The following MNS1 variants were observed in gnomAD, a reference collection of about 807,000 sequenced individuals.
MNS1 encodes meiosis-specific nuclear structural protein 1.
Under a neutral mutation model 72.0 loss-of-function variants are expected in MNS1, and 63 were observed. The ratio of observed to expected loss-of-function variants is 0.87; its 90% CI spans 0.71 to 1.08. MNS1 has a LOEUF of 1.08. MNS1 is among the 50% of genes least tolerant of loss of function. MNS1 has a pLI of 0.00. For synonymous variants in MNS1, 188 were observed against 172.1 expected (o/e 1.09, Z -0.72); for missense variants, 604 against 562.4 (o/e 1.07, Z -0.75).
At chr15:56,430,294 CT>C (rs1377575130) in intron 9 of MNS1, among the ~76,000 whole-genome samples, 5 of 152,196 alleles carry the variant, frequency 3.3e-5, no homozygotes, top group African/African-American at 1.2e-4. Context: ...GCAGCTTCAA[CT>C]TTCCAGGCTC....
intron 2 of MNS1, among the ~76,000 whole-genome samples, chr15:56,458,058 A>G (rs1480258153): frequency 6.6e-6 from 1 of 152,236 alleles, no homozygotes; most frequent in Admixed American, 6.5e-5. Flanking sequence ...AAAGAATGCA[A>G]GCAAAACTTG....
In MNS1 at chr15:56,465,027, G is replaced by T; in HGVS notation, c.-55C>A. On this transcript the variant is annotated 5_prime_UTR_variant, in exon 1 of 10. Coordinates refer to ENST00000260453, the MANE Select transcript of MNS1 (RefSeq NM_018365.4). The stretch of plus-strand genomic sequence containing the variant: ...GGGACCGCGGCCACCACCTCCCGCC[G>T]CAAACGCAGCAGCCAGCAGCCCCAA... The T allele has an allele frequency of 6.3e-7, 1 of 1,593,474 alleles. No individual in the cohort carries two copies. The highest frequency in any genetic ancestry group is 8.5e-7 in the Non-Finnish European group (1 of 1,171,552).
intron 3 of MNS1, among the ~76,000 whole-genome samples, chr15:56,452,025 A>T (rs1170397469): frequency 6.6e-6 from 1 of 152,176 alleles, no homozygotes; most frequent in Non-Finnish European, 1.5e-5. Flanking sequence ...TATGTTTACT[A>T]TAACTACTAA....
At position 56,443,507 on chromosome 15, in the gene MNS1, G is replaced by T. The variant is rs373460385; in HGVS notation, c.934C>A (p.Gln312Lys). The change falls in exon 7 of 10, where the codon CAA becomes AAA. Residue 312 changes from glutamine to lysine, a missense_variant. Transcript: ENST00000260453. Reference sequence around the variant, plus strand: ...CGCACTTGTTCCAAATCTTCACGTTGCCGCAGCATTTCTTCTAATTTCTGT... The same window carrying T: ...CGCACTTGTTCCAAATCTTCACGTTTCCGCAGCATTTCTTCTAATTTCTGT... The part of the protein sequence containing the change: ...LTQKLEEMLR[Q>K]REDLEQVRQE... 90 of 1,599,314 alleles carry T rather than the reference G, an allele frequency of 5.6e-5. No homozygotes were observed. Among genetic ancestry groups the T allele is most frequent in the Non-Finnish European group, 7.1e-5 (83 of 1,175,840 alleles).
chr15:56,463,971 A>G, intron 2 of MNS1, 55 bp downstream of exon 2: 2 of 1,407,940 alleles, frequency 1.4e-6, no homozygotes, highest in Non-Finnish European at 1.9e-6. Context: ...GCTGACTTTC[A>G]TCGTTTCCAA....
chr15:56,443,287 TTCTG>T (rs1567150883), intron 7 of MNS1, 139 bp downstream of exon 7: 5 of 524,256 alleles, frequency 9.5e-6, no homozygotes, highest in Admixed American at 7.9e-5. Context: ...GCTTGAAAAT[TTCTG>T]TCTTTTAACT....
intron 7 of MNS1, among the ~76,000 whole-genome samples, chr15:56,438,216 T>C (rs1295459217): frequency 1.3e-5 from 2 of 152,108 alleles, no homozygotes; most frequent in Non-Finnish European, 2.9e-5. Context: ...ATTCAAACTA[T>C]ACTACAAGGC....
intron 7 of MNS1, among the ~76,000 whole-genome samples, chr15:56,437,643 G>A (rs1391297065): frequency 6.6e-6 from 1 of 152,116 alleles, no homozygotes; most frequent in Non-Finnish European, 1.5e-5. Flanking sequence ...AAGAAAGAAA[G>A]GGTATTCAAT....
intron 3 of MNS1, among the ~76,000 whole-genome samples, chr15:56,447,982 C>T (rs2050920299): frequency 6.6e-6 from 1 of 152,138 alleles, no homozygotes; most frequent in South Asian, 2.1e-4. Flanking sequence ...ATTGCTTACT[C>T]CTTTTTATTG....
At chr15:56,434,069 T>A in intron 8 of MNS1, 69 bp downstream of exon 8, 2 of 1,475,626 alleles carry the variant, frequency 1.4e-6, no homozygotes, top group South Asian at 2.6e-5. Context: ...AGTAAATGTT[T>A]AGTGGATGAT....
intron 2 of MNS1, among the ~76,000 whole-genome samples, chr15:56,459,748 T>C (rs76084376): frequency 0.044 from 6,729 of 151,484 alleles, 223 homozygotes; most frequent in Admixed American, 0.088. Context: ...GGGAGCACTT[T>C]GGGAGGCCGA....
intron 4 of MNS1, chr15:56,445,569 T>C (rs2050893180): frequency 6.6e-6 from 1 of 152,038 alleles, no homozygotes; most frequent in African/African-American, 2.4e-5. Context: ...ATTATCTTCT[T>C]TGTACATGCT....
Position 56,444,474 on chromosome 15 carries a change from A to G in MNS1, c.656T>C (p.Ile219Thr). 1.2e-6 allele frequency: 2 copies of G among 1,607,658 alleles called. No homozygotes were observed. Among genetic ancestry groups the G allele is most frequent in the Non-Finnish European group, 8.5e-7 (1 of 1,178,470 alleles). Residue 219 changes from isoleucine (I) to threonine (T), a missense_variant, in exon 5 of 10, where the codon ATT becomes ACT. Coordinates refer to ENST00000260453, the MANE Select transcript of MNS1 (RefSeq NM_018365.4). The part of the protein sequence containing the change: ...LLKEKLMIDE[I>T]VRKIYEEDQL... ...ATCTTCTTCATAGATCTTCCTAACA[A>G]TTTCATCAATCATGAGTTTCTCTTT...
chr15:56,448,838 C>T (rs1309492270), intron 3 of MNS1, among the ~76,000 whole-genome samples: 2 of 150,170 alleles, frequency 1.3e-5, no homozygotes, highest in African/African-American at 2.5e-5. Flanking sequence ...ACTGCAAGCT[C>T]CGCCACCCAG....
At chr15:56,463,706 C>T (rs1381224655) in intron 2 of MNS1, 5 of 220,200 alleles carry the variant, frequency 2.3e-5, no homozygotes, top group Non-Finnish European at 4.4e-5. Context: ...CGCTTGAACC[C>T]CGGAGGCAGA....
At chr15:56,430,835 C>CTTTAGATTTCCTACACTAA (rs2050570415) in intron 9 of MNS1, among the ~76,000 whole-genome samples, 1 of 152,168 alleles carries the variant, frequency 6.6e-6, no homozygotes, top group Non-Finnish European at 1.5e-5. Flanking sequence ...TCTAGGGTAG[C>CTTTAGATTTCCTACACTAA]TTTAGATTTC....
At chr15:56,446,727 T>A (rs1240518742) in intron 4 of MNS1, 114 bp downstream of exon 4, 5 of 712,500 alleles carry the variant, frequency 7.0e-6, no homozygotes, top group Middle Eastern at 3.3e-4. Context: ...TTACAAATAT[T>A]TAAGAAATCT....
chr15:56,431,525 T>G, intron 8 of MNS1, 27 bp from the exon 9 acceptor site: 1 of 1,612,468 alleles, frequency 6.2e-7, no homozygotes, highest in East Asian at 2.2e-5. Context: ...AATTTTGTTA[T>G]CACAAAGTAC....
intron 9 of MNS1, chr15:56,429,691 T>C (rs1372784442): frequency 1.3e-5 from 2 of 152,272 alleles, no homozygotes; most frequent in Non-Finnish European, 2.9e-5. Context: ...TTCACTGTTC[T>C]ATTTTTCTTT....
Sources: allele counts gnomAD v4.1 joint callset (sites outside exome capture counted in the v4.1 genomes callset), GRCh38; gene constraint gnomAD v4.1.1; transcripts MANE v1.5; gene names NCBI Gene and HGNC (gene_info 2026-07-23, HGNC 2026-07-21).